Variants in DNAH7 observed in about 807,000 individuals in gnomAD.
DNAH7 encodes dynein axonemal heavy chain 7.
Under a neutral mutation model 444.6 loss-of-function variants are expected in DNAH7, and 397 were observed. That is an observed-to-expected ratio of 0.89 (90% CI 0.82 to 0.97). The LOEUF (loss-of-function observed/expected upper bound fraction) is 0.97. DNAH7 is among the 50% of genes least tolerant of loss of function. DNAH7 has a pLI of 0.00. For missense variants in DNAH7, 4,902 were observed against 4,800.8 expected (o/e 1.02, Z -0.62); for synonymous variants, 1,636 against 1,624.4 (o/e 1.01, Z -0.17).
At chr2:196,029,191 C>G (rs1695877477) in intron 5 of DNAH7, among the ~76,000 whole-genome samples, 1 of 152,176 alleles carries the variant, frequency 6.6e-6, no homozygotes, top group Non-Finnish European at 1.5e-5. Context: ...TAACATATTT[C>G]AGGAATCAGG....
At chr2:195,872,884 AG>A (rs903374626) in intron 39 of DNAH7, among the ~76,000 whole-genome samples, 57 of 152,276 alleles carry the variant, frequency 3.7e-4, no homozygotes, top group African/African-American at 1.3e-3. Flanking sequence ...GTATTTTCAG[AG>A]GAAAAAAAGG....
intron 48 of DNAH7, among the ~76,000 whole-genome samples, chr2:195,832,777 A>C (rs1273472066): frequency 6.6e-6 from 1 of 152,098 alleles, no homozygotes; most frequent in East Asian, 1.9e-4. Context: ...TCCTTCAAGA[A>C]GTCTTCCCCA....
chr2:195,897,950 T>C (rs2125252929), intron 28 of DNAH7, among the ~76,000 whole-genome samples, 185 bp from the exon 29 acceptor site: 1 of 152,296 alleles, frequency 6.6e-6, no homozygotes, highest in East Asian at 1.9e-4. Context: ...TGTGTTTTTT[T>C]TTACTAGTTT....
At chr2:195,796,450 C>G (rs1027820359) in intron 56 of DNAH7, 126 bp downstream of exon 56, 2 of 1,128,216 alleles carry the variant, frequency 1.8e-6, no homozygotes, top group African/African-American at 3.1e-5. Context: ...CTCTCTCCTG[C>G]AATCCAGCCA....
Position 195,858,481 on chromosome 2 carries a change from G to T in DNAH7, c.8060C>A (p.Thr2687Asn), listed in dbSNP as rs896799930. The change falls in exon 43 of 65, where the codon ACT becomes AAT. Residue 2687 changes from threonine to asparagine, a missense_variant. Coordinates refer to ENST00000312428, the MANE Select transcript of DNAH7 (RefSeq NM_018897.3). ...ESALAALDTLTAQDITVVKSM... is the reference protein window; with the variant it reads ...ESALAALDTLNAQDITVVKSM... The stretch of plus-strand genomic sequence containing the variant: ...GTATGGCGAAGCTCTTACCTGTGCA[G>T]TAAGAGTATCAAGGGCGGCCAGTGC... 3.7e-6 allele frequency: 6 copies of T among 1,601,438 alleles called. No individual in the cohort carries two copies. Among genetic ancestry groups the T allele is most frequent in the Non-Finnish European group, 5.1e-6 (6 of 1,173,716 alleles).
chr2:195,821,390 G>T (rs1697463824), intron 49 of DNAH7, among the ~76,000 whole-genome samples: 1 of 152,138 alleles, frequency 6.6e-6, no homozygotes, highest in East Asian at 1.9e-4. Flanking sequence ...TGGTGGGCAG[G>T]TCTTTGCAAA....
At chr2:195,892,477 T>C (rs1161629964) in intron 30 of DNAH7, 1 of 137,602 alleles carries the variant, frequency 7.3e-6, no homozygotes, top group East Asian at 2.2e-4. Context: ...TTGGACATAA[T>C]CTTTTTTTTT....
rs375959193 is a variant in DNAH7, at chr2:195,816,915, C to T, written c.9474G>A (p.Ser3158=). The part of the protein sequence containing the change: ...EDKILEVLSS[S]EGNILEDETA... ...TTTCATCTTCTAATATATTGCCTTC[C>T]GAAGATGAAAGAACTTCTAAAATCT... is the stretch of plus-strand genomic sequence containing the variant. The change falls in exon 51 of 65, where the codon TCG becomes TCA. Residue 3158 remains serine (S), a synonymous_variant. Coordinates refer to ENST00000312428, the MANE Select transcript of DNAH7 (RefSeq NM_018897.3). 1.2e-5 allele frequency: 19 copies of T among 1,609,604 alleles called. No individual in the cohort carries two copies. The highest frequency in any genetic ancestry group is 1.7e-4 in the Middle Eastern group (1 of 6,046).
At chr2:195,937,605 C>G (rs1689142105) in intron 19 of DNAH7, among the ~76,000 whole-genome samples, 1 of 152,092 alleles carries the variant, frequency 6.6e-6, no homozygotes, top group African/African-American at 2.4e-5. Context: ...CTCAAAATAT[C>G]TATACAGTAA....
At position 195,886,147 on chromosome 2, in the gene DNAH7, C is replaced by T. The variant is rs141259837; in HGVS notation, c.5532G>A (p.Leu1844=). ...KERNDRETYS[L]LEGIFLFSLI... The stretch of plus-strand genomic sequence containing the variant: ...AGAAGGCAACGGACCTTACCTCAAG[C>T]AAAGAGTAAGTTTCTCGATCATTTC... The change falls in exon 34 of 65, where the codon TTG becomes TTA. Residue 1844 remains leucine (L), a synonymous_variant. Coordinates refer to ENST00000312428, the MANE Select transcript of DNAH7 (RefSeq NM_018897.3). 690 of 1,612,624 alleles carry T rather than the reference C, an allele frequency of 4.3e-4. 8 individuals carry two copies. The East Asian group carries it at 0.014, about 34-fold the overall frequency.
chr2:195,775,662 A>C (rs889149097), intron 60 of DNAH7, among the ~76,000 whole-genome samples, 184 bp downstream of exon 60: 39 of 152,118 alleles, frequency 2.6e-4, no homozygotes, highest in Admixed American at 1.0e-3. Context: ...AAAAAAAAAA[A>C]ACACACGTTC....
intron 24 of DNAH7, among the ~76,000 whole-genome samples, chr2:195,921,584 C>G (rs571472741): frequency 6.6e-6 from 1 of 152,004 alleles, no homozygotes; most frequent in Non-Finnish European, 1.5e-5. Context: ...TGGACTTTAG[C>G]GACTTGAGGA....
At chr2:195,756,091 C>A in intron 62 of DNAH7, 42 bp downstream of exon 62, 1 of 1,539,318 alleles carries the variant, frequency 6.5e-7, no homozygotes, top group Non-Finnish European at 8.8e-7. Flanking sequence ...AAAATGAAAC[C>A]AGGAGAAACT....
rs145050649 is a variant in DNAH7 at position 196,028,039 on chromosome 2, T to C, written c.407A>G (p.Asp136Gly). 72 of 1,606,612 alleles carry C rather than the reference T, an allele frequency of 4.5e-5. No individual in the cohort carries two copies. The African/African-American group carries it at 8.4e-4, about 19-fold the overall frequency. Residue 136 changes from aspartate (D) to glycine (G), a missense_variant, in exon 6 of 65, where the codon GAT becomes GGT. Coordinates refer to ENST00000312428, the MANE Select transcript of DNAH7 (RefSeq NM_018897.3). The stretch of plus-strand genomic sequence containing the variant: ...AGGGACAGCTGAGTCTAAGTCAGCA[T>C]CTTGTTGCCTAAGAAAATGATAAAC... ...STLVNVIMQQDADLDSAVPDG... is the reference protein window; with the variant it reads ...STLVNVIMQQGADLDSAVPDG...
chr2:195,978,395 A>G (rs1367602784), intron 15 of DNAH7, among the ~76,000 whole-genome samples: 1 of 152,158 alleles, frequency 6.6e-6, no homozygotes, highest in Non-Finnish European at 1.5e-5. Context: ...CAATAAACAT[A>G]CAACAGACAT....
intron 54 of DNAH7, among the ~76,000 whole-genome samples, chr2:195,805,949 AT>A (rs1298893528): frequency 1.3e-5 from 2 of 151,276 alleles, no homozygotes; most frequent in East Asian, 1.9e-4. Context: ...ATTCTGCTTT[AT>A]TTTTTTTTCT....
chr2:195,894,909 A>G, intron 30 of DNAH7, 67 bp downstream of exon 30: 1 of 1,358,010 alleles, frequency 7.4e-7, no homozygotes, highest in Non-Finnish European at 9.7e-7. Flanking sequence ...ATCTTTTAAA[A>G]TAATGGTACA....
chr2:195,958,128 G>A (rs571289660), intron 18 of DNAH7, among the ~76,000 whole-genome samples: 2 of 151,734 alleles, frequency 1.3e-5, no homozygotes, highest in South Asian at 2.1e-4. Context: ...TTCAATAAAG[G>A]TTACATGGAC....
intron 25 of DNAH7, among the ~76,000 whole-genome samples, chr2:195,908,019 A>G (rs1443617793): frequency 6.6e-6 from 1 of 151,936 alleles, no homozygotes; most frequent in African/African-American, 2.4e-5. Flanking sequence ...ATTCAGCTAA[A>G]TGCCTACACA....
Sources: gnomAD v4.1 joint callset for allele counts (sites outside exome capture counted in the v4.1 genomes callset) on GRCh38, gnomAD v4.1.1 for gene constraint, MANE v1.5 for transcripts, NCBI Gene and HGNC (gene_info 2026-07-23, HGNC 2026-07-21) for gene names.